LATS2: variants seen among roughly 807,000 people sequenced by gnomAD.
The protein encoded by LATS2 is large tumor suppressor kinase 2, also known as serine/threonine-protein kinase LATS2.
LATS2 carries 24 observed loss-of-function variants against 76.0 expected under a neutral mutation model. That is an observed-to-expected ratio of 0.32 (90% CI 0.23 to 0.44). The LOEUF (loss-of-function observed/expected upper bound fraction) is 0.44, where lower values mean the gene tolerates loss of function less well. Among genes scored for constraint, LATS2 ranks in the 20% least tolerant of loss-of-function variants. The pLI is 1.00. For synonymous variants in LATS2, 692 were observed against 635.4 expected, an observed-to-expected ratio of 1.09 and a Z score of -1.34; for missense variants, 1,286 against 1,481.2, an observed-to-expected ratio of 0.87 and a Z score of 2.16.
chr13:20,990,762 G>A (rs1437896233), intron 3 of LATS2, among the ~76,000 whole-genome samples: 1 of 152,118 alleles, frequency 6.6e-6, no homozygotes, highest in Non-Finnish European at 1.5e-5. Context: ...CAGGGGTTTG[G>A]TGCGGTGCCT....
At chr13:21,030,613 A>AAAAAAAAAAAAAAAG (rs1565960105) in intron 2 of LATS2, among the ~76,000 whole-genome samples, 3 of 19,516 alleles carry the variant, frequency 1.5e-4, no homozygotes, top group Non-Finnish European at 3.2e-4. Context: ...AAAAAAAAAG[A>AAAAAAAAAAAAAAAG]AAAAAAAAAA....
rs1870009690 is a variant in LATS2, at chr13:20,983,660, C to A, written c.2046G>T (p.Val682=). 1 of 1,614,038 alleles carries A rather than the reference C, an allele frequency of 6.2e-7. No homozygotes were observed. The highest frequency in any genetic ancestry group is 8.5e-7 in the Non-Finnish European group (1 of 1,180,038). Reference sequence around the variant, plus strand: ...GAGTGTCCACCTTACAAGCAAGGCACACTTCTCCAAAGGCACCGATCCCCA... The same window carrying A: ...GAGTGTCCACCTTACAAGCAAGGCAAACTTCTCCAAAGGCACCGATCCCCA... ...KTLGIGAFGE[V]CLACKVDTHA... The change falls in exon 5 of 8, where the codon GTG becomes GTT. Residue 682 remains valine, a synonymous_variant. Transcript: ENST00000382592.
chr13:21,059,515 G>A (rs908381758), intron 1 of LATS2, among the ~76,000 whole-genome samples: 4 of 152,090 alleles, frequency 2.6e-5, no homozygotes, highest in African/African-American at 4.8e-5. Flanking sequence ...GAGATCGCTT[G>A]AACCCAGGAG....
chr13:21,012,419 T>C (rs1315822056), intron 2 of LATS2, among the ~76,000 whole-genome samples: 4 of 152,162 alleles, frequency 2.6e-5, no homozygotes, highest in African/African-American at 9.7e-5. Flanking sequence ...ACTATGAAGT[T>C]ACAGCTACAA....
intron 4 of LATS2, among the ~76,000 whole-genome samples, chr13:20,985,673 G>C (rs1251152051): frequency 6.6e-6 from 1 of 152,222 alleles, no homozygotes; most frequent in South Asian, 2.1e-4. Flanking sequence ...AGAAGGCAGA[G>C]GTTGCAGTGA....
chr13:21,053,439 G>A (rs116988119), intron 1 of LATS2, among the ~76,000 whole-genome samples: 4 of 152,006 alleles, frequency 2.6e-5, no homozygotes, highest in East Asian at 3.9e-4. Context: ...ATAGCACCAC[G>A]AGGGCAGGAG....
chr13:21,015,661 GCTCCATTTACCT>G (rs1255856088), intron 2 of LATS2, among the ~76,000 whole-genome samples: 1 of 152,138 alleles, frequency 6.6e-6, no homozygotes. Flanking sequence ...TTTGCAAAAA[GCTCCATTTACCT>G]CTTTATATCA....
At chr13:21,056,404 C>G (rs1873452337) in intron 1 of LATS2, among the ~76,000 whole-genome samples, 1 of 152,154 alleles carries the variant, frequency 6.6e-6, no homozygotes, top group South Asian at 2.1e-4. Flanking sequence ...CTCTATTAGA[C>G]AGCTTTGTAC....
chr13:21,042,323 C>T (rs1312839608), intron 2 of LATS2, among the ~76,000 whole-genome samples: 2 of 152,130 alleles, frequency 1.3e-5, no homozygotes, highest in African/African-American at 2.4e-5. Context: ...ATGCTAGTTA[C>T]ATGGGTGGGT....
intron 1 of LATS2, among the ~76,000 whole-genome samples, chr13:21,060,959 G>A (rs905592692): frequency 9.2e-5 from 14 of 151,468 alleles, no homozygotes; most frequent in African/African-American, 3.4e-4. Context: ...ACGGCCTTTC[G>A]GGTCTAGGAC....
At chr13:21,004,434 CAAA>C (rs11423103) in intron 2 of LATS2, among the ~76,000 whole-genome samples, 3 of 108,472 alleles carry the variant, frequency 2.8e-5, no homozygotes, top group Admixed American at 9.1e-5. Flanking sequence ...AACACTGTCT[CAAA>C]AAAAAAAAAA....
intron 2 of LATS2, among the ~76,000 whole-genome samples, chr13:21,021,016 T>C (rs900504944): frequency 4.6e-5 from 7 of 152,226 alleles, no homozygotes; most frequent in African/African-American, 1.7e-4. Flanking sequence ...CCTGATATGC[T>C]GTCTGGGATT....
chr13:20,977,776 T>C (rs1869691992), intron 7 of LATS2, among the ~76,000 whole-genome samples: 1 of 152,162 alleles, frequency 6.6e-6, no homozygotes, highest in Non-Finnish European at 1.5e-5. Context: ...ATGTATATTT[T>C]ACCAGAATAA....
rs72205997 is a variant in LATS2, at chr13:21,007,600, ATAGTGT to A, written c.343-16202_343-16197del. On this transcript the variant is annotated intron_variant, in intron 2 of 7. Coordinates refer to ENST00000382592, the MANE Select transcript of LATS2 (RefSeq NM_014572.3). ...ATATATATATATAGTATATATATATATAGTGTGTATATATATATATAGTGTATATAT... is the reference window on the plus strand; with the variant it reads ...ATATATATATATAGTATATATATATAGTATATATATATATAGTGTATATAT... 9.1e-4 allele frequency among the ~76,000 whole-genome samples: 6 copies of A among 6,574 alleles called. 1 individual carries two copies. The highest frequency in any genetic ancestry group is 6.0e-3 in the African/African-American group (5 of 830). 4.3% of individuals were successfully genotyped at this position (6,574 alleles called of 152,430 possible).
Position 20,988,347 on chromosome 13 carries a change from G to C in LATS2, c.1433C>G (p.Ala478Gly). The part of the protein sequence containing the change: ...APAPAPAPAP[A>G]PAAEGLDAKE... ...GGCGTCCAAGCCCTCCGCAGCCGGG[G>C]CGGGGGCGGGGGCGGGGGCCGGGGC... Residue 478 changes from alanine (A) to glycine (G), a missense_variant, in exon 4 of 8, where the codon GCC becomes GGC. By Grantham distance (60) the Ala-to-Gly change is moderately conservative. Transcript: ENST00000382592. The C allele has an allele frequency of 7.4e-7, 1 of 1,355,764 alleles. No individual in the cohort carries two copies. The highest frequency in any genetic ancestry group is 9.4e-7 in the Non-Finnish European group (1 of 1,060,666). 84.0% of individuals were successfully genotyped at this position (1,355,764 alleles called of 1,614,324 possible). A position where few individuals can be genotyped will look rare whatever the true frequency, so the allele number is the denominator to read the frequency against.
intron 2 of LATS2, among the ~76,000 whole-genome samples, chr13:20,996,476 C>G (rs1391020624): frequency 6.7e-6 from 1 of 150,322 alleles, no homozygotes; most frequent in Non-Finnish European, 1.5e-5. Context: ...CTCCCAGATT[C>G]AAACAATTCT....
rs1319332431 is a variant in LATS2 at position 20,988,202 on chromosome 13, G to C, written c.1578C>G (p.Ser526Arg). Residue 526 changes from serine (S) to arginine (R), a missense_variant, in exon 4 of 8, where the codon AGC (serine) becomes AGG (arginine). Around this residue, in one of 5 missense-constraint regions of LATS2, gnomAD observed 710 missense variants for 660.9 expected, o/e 1.07. Coordinates refer to ENST00000382592, the MANE Select transcript of LATS2 (RefSeq NM_014572.3). ...PPYPKHLLLRSKSEQYDLDSL... is the reference protein window; with the variant it reads ...PPYPKHLLLRRKSEQYDLDSL... ...TGTCCAGGTCGTACTGCTCCGACTTGCTGCGCAGCAGCAGGTGCTTCGGGT... is the reference window on the plus strand; with the variant it reads ...TGTCCAGGTCGTACTGCTCCGACTTCCTGCGCAGCAGCAGGTGCTTCGGGT... 1 of 1,611,740 alleles carries C rather than the reference G, an allele frequency of 6.2e-7. No individual in the cohort carries two copies. The highest frequency in any genetic ancestry group is 8.5e-7 in the Non-Finnish European group (1 of 1,179,688).
At chr13:21,029,325 T>C (rs915905944) in intron 2 of LATS2, among the ~76,000 whole-genome samples, 1 of 152,248 alleles carries the variant, frequency 6.6e-6, no homozygotes, top group African/African-American at 2.4e-5. Flanking sequence ...TCTATTGAGA[T>C]GATGAAATGG....
chr13:20,978,406 A>C (rs1313066896), intron 7 of LATS2, among the ~76,000 whole-genome samples: 1 of 152,184 alleles, frequency 6.6e-6, no homozygotes, highest in Non-Finnish European at 1.5e-5. Context: ...TCATTTCAGA[A>C]AGCAAATGGC....
Sources: allele counts gnomAD v4.1 joint callset (sites outside exome capture counted in the v4.1 genomes callset), GRCh38; gene constraint gnomAD v4.1.1; regional missense constraint gnomAD v4.1.1; transcripts MANE v1.5; gene names NCBI Gene and HGNC (gene_info 2026-07-23, HGNC 2026-07-21).